The following POU2F1 variants were observed in gnomAD, a reference collection of about 807,000 sequenced individuals.
POU2F1 encodes POU domain, class 2, transcription factor 1.
A neutral mutation model predicts 84.9 loss-of-function variants in POU2F1; 16 were observed. That is an observed-to-expected ratio of 0.19 (90% CI 0.13 to 0.29). The LOEUF (loss-of-function observed/expected upper bound fraction) is 0.29, where lower values mean the gene tolerates loss of function less well. Among genes scored for constraint, POU2F1 ranks in the 10% least tolerant of loss-of-function variants. The pLI, the probability that POU2F1 is intolerant of heterozygous loss-of-function variation, is 1.00. For missense variants in POU2F1, 738 were observed against 942.6 expected (o/e 0.78, Z 2.84); for synonymous variants, 368 against 368.3 (o/e 1.00, Z 0.01).
intron 1 of POU2F1, among the ~76,000 whole-genome samples, chr1:167,305,831 C>T (rs569422753): frequency 6.6e-6 from 1 of 152,268 alleles, no homozygotes; most frequent in African/African-American, 2.4e-5. Context: ...ACCCTAAGTA[C>T]ACTTCTACCA....
rs1457140460 is a variant in POU2F1, at chr1:167,370,400, AC to A, written c.282+187del. Among the ~76,000 whole-genome samples the A allele has an allele frequency of 3.9e-5, 6 of 152,206 alleles. No homozygotes were observed. The East Asian group carries it at 1.2e-3, about 29-fold the overall frequency. On this transcript the variant is annotated intron_variant, in intron 4 of 15. Transcript: ENST00000367866. ...ATGAAAATCAGTTTTATATTATGCT[AC>A]TGTGCATGAACCAAAAATGGACAGG... is the stretch of plus-strand genomic sequence containing the variant.
chr1:167,264,136 T>C (rs1436682244), intron 1 of POU2F1, among the ~76,000 whole-genome samples: 1 of 152,208 alleles, frequency 6.6e-6, no homozygotes, highest in Non-Finnish European at 1.5e-5. Context: ...TTTGAGGTAC[T>C]TTAAGAGAAG....
At chr1:167,229,118 G>A (rs1209873712) in intron 1 of POU2F1, among the ~76,000 whole-genome samples, 1 of 151,910 alleles carries the variant, frequency 6.6e-6, no homozygotes, top group African/African-American at 2.4e-5. Flanking sequence ...TTGTGTTGGT[G>A]TAAGAGTTTG....
chr1:167,299,698 T>TTTTTTTTTTTTG (rs1553204511), intron 1 of POU2F1, among the ~76,000 whole-genome samples: 3 of 151,802 alleles, frequency 2.0e-5, no homozygotes, highest in African/African-American at 7.3e-5. Context: ...GACCAGAGTT[T>TTTTTTTTTTTTG]TTTTTTTTTC....
intron 1 of POU2F1, among the ~76,000 whole-genome samples, chr1:167,319,308 C>T (rs554708993): frequency 1.3e-5 from 2 of 152,306 alleles, no homozygotes; most frequent in East Asian, 3.9e-4. Flanking sequence ...GTTGTCGGAT[C>T]TCTCCACCAA....
chr1:167,416,049 G>T lies in POU2F1; in HGVS notation c.*239G>T, dbSNP rs1384669125. 1.7e-6 allele frequency: 1 copy of T among 590,392 alleles called. No homozygotes were observed. The allele number at this position is 590,392 out of a possible 1,614,324, so 36.6% of individuals were successfully genotyped here. A position where few individuals can be genotyped will look rare whatever the true frequency, so the allele number is the denominator to read the frequency against. On this transcript the variant is annotated 3_prime_UTR_variant, in exon 16 of 16. Coordinates refer to ENST00000367866, the MANE Select transcript of POU2F1 (RefSeq NM_002697.4). ...TTGTAATAAAACACTGTCTTTTCAG[G>T]ATTGCTTCATGGATTGGAGAACTTT...
chr1:167,345,128 T>C (rs893082972), intron 2 of POU2F1, among the ~76,000 whole-genome samples: 2 of 152,112 alleles, frequency 1.3e-5, no homozygotes, highest in African/African-American at 2.4e-5. Flanking sequence ...CGTGTACTTA[T>C]GTAACAAGCC....
Position 167,256,774 on chromosome 1 carries a change from T to C in POU2F1, c.61+35816T>C, listed in dbSNP as rs115486899. On this transcript the variant is annotated intron_variant, in intron 1 of 15. Transcript: ENST00000367866. Reference sequence around the variant, plus strand: ...GTTGTATTTGGAAAACTTTGGGATGTAGCAGTACAATGACTTTCCTGCTCT... The same window carrying C: ...GTTGTATTTGGAAAACTTTGGGATGCAGCAGTACAATGACTTTCCTGCTCT... 8.8e-3 allele frequency among the ~76,000 whole-genome samples: 1,348 copies of C among 152,338 alleles called. 9 individuals are homozygous for C. The highest frequency in any genetic ancestry group is 0.025 in the South Asian group (121 of 4,824).
chr1:167,364,759 G>C (rs1217978187), intron 2 of POU2F1, among the ~76,000 whole-genome samples: 2 of 150,010 alleles, frequency 1.3e-5, no homozygotes, highest in East Asian at 4.0e-4. Flanking sequence ...TATAGAGACA[G>C]GGTTTCACCA....
chr1:167,290,606 G>C (rs1329589412), intron 1 of POU2F1, among the ~76,000 whole-genome samples: 2 of 152,250 alleles, frequency 1.3e-5, no homozygotes, highest in Non-Finnish European at 2.9e-5. Flanking sequence ...CCATGGAGCA[G>C]AGTACAGTGC....
chr1:167,336,112 A>T (rs959693307), intron 2 of POU2F1, among the ~76,000 whole-genome samples: 1 of 152,214 alleles, frequency 6.6e-6, no homozygotes, highest in Admixed American at 6.5e-5. Context: ...AATGTATTAA[A>T]ATTATAAAAC....
In POU2F1 at chr1:167,289,091, G is replaced by A. The variant is rs1212477049; in HGVS notation, c.62-43379G>A. 6.6e-5 allele frequency among the ~76,000 whole-genome samples: 10 copies of A among 152,224 alleles called. No homozygotes were observed. The South Asian group carries it at 1.9e-3, about 28-fold the overall frequency. Reference sequence around the variant, plus strand: ...GAATTTCAGGTAGTCTATGAGGGGAGTATACTTGTAGTAGCATTTTGCTAG... The same window carrying A: ...GAATTTCAGGTAGTCTATGAGGGGAATATACTTGTAGTAGCATTTTGCTAG... On this transcript the variant is annotated intron_variant, in intron 1 of 15. Coordinates refer to ENST00000367866, the MANE Select transcript of POU2F1 (RefSeq NM_002697.4).
At chr1:167,391,559 C>CTTTTTTTT (rs1175783404) in intron 9 of POU2F1, among the ~76,000 whole-genome samples, 3 of 57,876 alleles carry the variant, frequency 5.2e-5, no homozygotes, top group Non-Finnish European at 9.0e-5. Flanking sequence ...TTATATATAT[C>CTTTTTTTT]TTTTTTTTTT....
intron 8 of POU2F1, among the ~76,000 whole-genome samples, chr1:167,389,211 T>C (rs938679602): frequency 1.3e-5 from 2 of 152,234 alleles, no homozygotes; most frequent in South Asian, 4.1e-4. Context: ...ACAGATATGC[T>C]GTCTACTGTT....
intron 1 of POU2F1, 58 bp from the exon 2 acceptor site, chr1:167,332,412 C>T: frequency 7.2e-7 from 1 of 1,392,444 alleles, no homozygotes; most frequent in South Asian, 1.2e-5. Flanking sequence ...TTTGCCTCCT[C>T]AATCCCATCT....
At position 167,369,921 on chromosome 1, in the gene POU2F1, A is replaced by C. The variant is rs1295761617; in HGVS notation, c.229-240A>C. On this transcript the variant is annotated intron_variant, in intron 3 of 15. Coordinates refer to ENST00000367866, the MANE Select transcript of POU2F1 (RefSeq NM_002697.4). Reference sequence around the variant, plus strand: ...GTGGCATGGCTGATAATGTTCATTTAGTGTGGGAAAACATCTTCAAAAAAA... The same window carrying C: ...GTGGCATGGCTGATAATGTTCATTTCGTGTGGGAAAACATCTTCAAAAAAA... Among the ~76,000 whole-genome samples the C allele has an allele frequency of 2.0e-5, 3 of 146,692 alleles. No homozygotes were observed. In the East Asian group the frequency reaches 6.7e-4, roughly 33 times the overall value.
intron 1 of POU2F1, among the ~76,000 whole-genome samples, chr1:167,247,776 T>C (rs1650444097): frequency 6.6e-6 from 1 of 152,208 alleles, no homozygotes. Flanking sequence ...GTTTTACATA[T>C]GTACCTTTGA....
intron 1 of POU2F1, among the ~76,000 whole-genome samples, chr1:167,279,679 C>G (rs1267861610): frequency 1.3e-5 from 2 of 151,988 alleles, no homozygotes; most frequent in Non-Finnish European, 2.9e-5. Flanking sequence ...GATTGCACCA[C>G]TGCACTCCAG....
chr1:167,329,231 G>GTTTC (rs1656914397), intron 1 of POU2F1: 1 of 1,542,218 alleles, frequency 6.5e-7, no homozygotes, highest in African/African-American at 1.4e-5. Flanking sequence ...ACTGCTACCT[G>GTTTC]TTTCTTCCTT....
Sources: gnomAD v4.1 joint callset for allele counts (sites outside exome capture counted in the v4.1 genomes callset) on GRCh38, gnomAD v4.1.1 for gene constraint, MANE v1.5 for transcripts, NCBI Gene and HGNC (gene_info 2026-07-23, HGNC 2026-07-21) for gene names.